ASB3: variants seen among roughly 807,000 people sequenced by gnomAD.
ASB3 encodes ankyrin repeat and SOCS box containing 3.
Under a neutral mutation model 54.5 loss-of-function variants are expected in ASB3, and 41 were observed. The observed-to-expected ratio is 0.75, with a 90% CI of 0.59 to 0.98. ASB3 has a LOEUF of 0.98. ASB3 is among the 50% of genes least tolerant of loss of function. ASB3 has a pLI of 0.00. For missense variants in ASB3, 733 were observed against 620.0 expected (o/e 1.18, Z -1.94); for synonymous variants, 266 against 221.2 (o/e 1.20, Z -1.80).
intron 2 of ASB3, among the ~76,000 whole-genome samples, chr2:53,760,413 C>A (rs1380919979): frequency 5.3e-5 from 8 of 152,092 alleles, no homozygotes; most frequent in Non-Finnish European, 1.2e-4. Context: ...TAGAAGGGAA[C>A]CGCCAAGCAG....
intron 2 of ASB3, among the ~76,000 whole-genome samples, chr2:53,761,618 G>A (rs774478780): frequency 6.6e-6 from 1 of 152,124 alleles, no homozygotes; most frequent in African/African-American, 2.4e-5. Flanking sequence ...CTGGTTCTCA[G>A]GCCTTCAGAC....
intron 9 of ASB3, among the ~76,000 whole-genome samples, chr2:53,676,653 T>G (rs1428835164): frequency 1.3e-5 from 2 of 152,216 alleles, no homozygotes; most frequent in Admixed American, 1.3e-4. Flanking sequence ...GGCCTTCACA[T>G]TCACTCTCCA....
chr2:53,749,857 T>C (rs1672422210), intron 3 of ASB3, among the ~76,000 whole-genome samples: 1 of 152,088 alleles, frequency 6.6e-6, no homozygotes, highest in Non-Finnish European at 1.5e-5. Context: ...TCTTGATTGT[T>C]GTCATTACAG....
intron 2 of ASB3, among the ~76,000 whole-genome samples, chr2:53,751,636 G>A (rs1205111972): frequency 6.6e-6 from 1 of 151,926 alleles, no homozygotes; most frequent in Non-Finnish European, 1.5e-5. Context: ...AGTGAAGGGT[G>A]AAGACATTTC....
At chr2:53,670,890 T>C (rs1165533674) in intron 9 of ASB3, among the ~76,000 whole-genome samples, 200 bp from the exon 10 acceptor site, 1 of 152,188 alleles carries the variant, frequency 6.6e-6, no homozygotes, top group Non-Finnish European at 1.5e-5. Context: ...CTCCCTTCAG[T>C]TTGTTGGCCA....
chr2:53,723,445 C>T (rs536122732), intron 5 of ASB3, among the ~76,000 whole-genome samples: 57 of 152,208 alleles, frequency 3.7e-4, no homozygotes, highest in African/African-American at 1.1e-3. Flanking sequence ...AAGCAGTATA[C>T]ACTGCACCCA....
At chr2:53,757,981 C>T (rs895365232) in intron 2 of ASB3, among the ~76,000 whole-genome samples, 1 of 150,408 alleles carries the variant, frequency 6.6e-6, no homozygotes, top group Non-Finnish European at 1.5e-5. Flanking sequence ...AGGATGAAAG[C>T]GAATTAAGTA....
At chr2:53,715,848 T>A (rs1343660855) in intron 6 of ASB3, among the ~76,000 whole-genome samples, 1 of 152,178 alleles carries the variant, frequency 6.6e-6, no homozygotes, top group Non-Finnish European at 1.5e-5. Context: ...ATGAATATTT[T>A]ACTATTACTT....
chr2:53,728,341 G>C (rs10178643), intron 5 of ASB3, among the ~76,000 whole-genome samples: 1 of 151,438 alleles, frequency 6.6e-6, no homozygotes, highest in Non-Finnish European at 1.5e-5. Flanking sequence ...ATACCCCTCA[G>C]AGCCTTAATA....
intron 9 of ASB3, among the ~76,000 whole-genome samples, chr2:53,673,203 G>T (rs1667909430): frequency 6.6e-6 from 1 of 152,152 alleles, no homozygotes; most frequent in Non-Finnish European, 1.5e-5. Context: ...TTCAGTTAGA[G>T]TTTAACAGGC....
intron 8 of ASB3, 200 bp from the exon 9 acceptor site, chr2:53,694,214 T>A: frequency 2.0e-6 from 1 of 510,642 alleles, no homozygotes; most frequent in Non-Finnish European, 3.3e-6. Flanking sequence ...TTAACTGAAT[T>A]GACTTTCTAT....
chr2:53,682,159 CA>C (rs773098555), intron 9 of ASB3, among the ~76,000 whole-genome samples: 1,263 of 77,052 alleles, frequency 0.016, 13 homozygotes, highest in African/African-American at 0.05. Context: ...GACTCCGTCT[CA>C]AAAAAAAAAA....
rs1671181503 is a variant in ASB3 at position 53,729,453 on chromosome 2, G to T, written c.468+5C>A. On this transcript the variant is annotated splice_donor_5th_base_variant and intron_variant, in intron 4 of 9. Coordinates refer to ENST00000263634, the MANE Select transcript of ASB3 (RefSeq NM_016115.5). ...TGGAAATGAAATAATAAATTCAGAG[G>T]TTACCTGAAAAGAAGCCTGGTGCAA... The T allele has an allele frequency of 6.2e-7, 1 of 1,612,204 alleles. No homozygotes were observed. Among genetic ancestry groups the T allele is most frequent in the Non-Finnish European group, 8.5e-7 (1 of 1,178,436 alleles).
chr2:53,685,724 A>C (rs1558515652), intron 9 of ASB3, among the ~76,000 whole-genome samples: 1 of 152,218 alleles, frequency 6.6e-6, no homozygotes, highest in African/African-American at 2.4e-5. Flanking sequence ...TTCTGCACCA[A>C]CTATGAATCT....
intron 2 of ASB3, among the ~76,000 whole-genome samples, chr2:53,764,486 A>G (rs1218806627): frequency 6.6e-6 from 1 of 152,220 alleles, no homozygotes; most frequent in Non-Finnish European, 1.5e-5. Context: ...TAAATATTAG[A>G]TAAAGAAGAT....
intron 1 of ASB3, among the ~76,000 whole-genome samples, chr2:53,780,735 G>T (rs889891251): frequency 6.6e-6 from 1 of 151,996 alleles, no homozygotes; most frequent in African/African-American, 2.4e-5. Context: ...CTATCATAAG[G>T]CCCCTACACT....
At chr2:53,764,322 G>C (rs1165462150) in intron 2 of ASB3, among the ~76,000 whole-genome samples, 1 of 152,046 alleles carries the variant, frequency 6.6e-6, no homozygotes, top group Non-Finnish European at 1.5e-5. Flanking sequence ...TTAGAAGCTT[G>C]GTATGAGAGG....
intron 3 of ASB3, among the ~76,000 whole-genome samples, chr2:53,742,955 A>C (rs915943745): frequency 1.3e-5 from 2 of 152,214 alleles, no homozygotes; most frequent in African/African-American, 4.8e-5. Context: ...ACACTGTGTC[A>C]GAGAAAACTG....
intron 8 of ASB3, chr2:53,694,709 C>G (rs1558521043): frequency 1.3e-5 from 2 of 152,124 alleles, no homozygotes; most frequent in Non-Finnish European, 2.9e-5. Context: ...TAAGAAAAGT[C>G]TTGATGTTTA....
Sources: allele counts gnomAD v4.1 joint callset (sites outside exome capture counted in the v4.1 genomes callset), GRCh38; gene constraint gnomAD v4.1.1; transcripts MANE v1.5; gene names NCBI Gene and HGNC (gene_info 2026-07-23, HGNC 2026-07-21).